NEBL: variants seen among roughly 807,000 people sequenced by gnomAD.
NEBL encodes the protein LIM and SH3 protein 2.
A neutral mutation model predicts 140.2 loss-of-function variants in NEBL; 122 were observed. That is an observed-to-expected ratio of 0.87 (90% confidence interval 0.75 to 1.01). NEBL has a LOEUF of 1.01. NEBL is among the 50% of genes least tolerant of loss of function. The probability of loss-of-function intolerance (pLI) is 0.00; values close to 1 mark genes in which losing one functional copy is unlikely to be tolerated. For missense variants in NEBL, 1,365 were observed against 1,231.3 expected (o/e 1.11, Z -1.62); for synonymous variants, 436 against 398.9 (o/e 1.09, Z -1.11).
chr10:21,142,118 A>C (rs570747931), intron 2 of NEBL, among the ~76,000 whole-genome samples: 3 of 152,164 alleles, frequency 2.0e-5, no homozygotes, highest in Non-Finnish European at 4.4e-5. Context: ...CAATTCTCTT[A>C]GCACTCTCCT....
intron 1 of NEBL, among the ~76,000 whole-genome samples, chr10:21,270,840 A>C (rs886340929): frequency 6.6e-6 from 1 of 152,252 alleles, no homozygotes; most frequent in African/African-American, 2.4e-5. Flanking sequence ...ATGGATATGT[A>C]CATTAAAGAG....
At chr10:20,926,404 G>C (rs980634609) in intron 4 of NEBL, among the ~76,000 whole-genome samples, 2 of 83,184 alleles carry the variant, frequency 2.4e-5, no homozygotes, top group East Asian at 4.6e-4. Context: ...GTGAAATTTT[G>C]CTTCTTTTAT....
chr10:21,050,735 A>C (rs553697794), intron 2 of NEBL, among the ~76,000 whole-genome samples: 2 of 152,338 alleles, frequency 1.3e-5, no homozygotes, highest in East Asian at 3.9e-4. Flanking sequence ...GAACAATAGT[A>C]GAAGAAAAGC....
chr10:21,063,532 A>G (rs1835393913), intron 2 of NEBL, among the ~76,000 whole-genome samples: 1 of 152,222 alleles, frequency 6.6e-6, no homozygotes, highest in Non-Finnish European at 1.5e-5. Flanking sequence ...TTCTATTCAC[A>G]TGTAGCAAAT....
chr10:20,857,526 T>C (rs1843200608), intron 9 of NEBL, among the ~76,000 whole-genome samples: 1 of 152,152 alleles, frequency 6.6e-6, no homozygotes, highest in African/African-American at 2.4e-5. Flanking sequence ...TATGGTCAAA[T>C]AAGAGCTCAT....
At chr10:21,033,065 G>C (rs1833863297) in intron 2 of NEBL, among the ~76,000 whole-genome samples, 1 of 152,160 alleles carries the variant, frequency 6.6e-6, no homozygotes, top group African/African-American at 2.4e-5. Flanking sequence ...TAGTGGAAGA[G>C]AGTCTATTCC....
chr10:21,193,026 C>T (rs1388758704), intron 3 of NEBL, among the ~76,000 whole-genome samples: 8 of 152,068 alleles, frequency 5.3e-5, no homozygotes, highest in South Asian at 4.1e-4. Context: ...GAATGTTCAG[C>T]GATAAGAAGT....
chr10:20,845,181 G>A (rs1841784259), intron 12 of NEBL, 77 bp downstream of exon 12: 1 of 893,352 alleles, frequency 1.1e-6, no homozygotes, highest in Non-Finnish European at 1.8e-6. Flanking sequence ...TGAATTAGTA[G>A]AGAATTAGGT....
intron 26 of NEBL, among the ~76,000 whole-genome samples, chr10:20,802,929 A>G (rs12255640): frequency 1.2e-3 from 187 of 152,284 alleles, no homozygotes; most frequent in African/African-American, 3.8e-3. Context: ...GTTCTGCGCC[A>G]TTCTTATGAC....
At chr10:20,835,693 TAA>T in intron 13 of NEBL, 70 bp from the exon 14 acceptor site, 3 of 935,728 alleles carry the variant, frequency 3.2e-6, no homozygotes, top group Non-Finnish European at 3.3e-6. Context: ...TCAATGATAC[TAA>T]AAAAAAAATA....
At position 20,920,592 on chromosome 10, in the gene NEBL, C is replaced by T. The variant is rs576699646; in HGVS notation, c.357+41080G>A. ...TGAAAGAATATATGCTATATGAACA[C>T]ATTTACTTCTGTATTCAAAAGAAAT... On this transcript the variant is annotated intron_variant, in intron 4 of 6. Coordinates refer to the NEBL transcript ENST00000417816. 2.0e-5 allele frequency among the ~76,000 whole-genome samples: 3 copies of T among 152,154 alleles called. No individual in the cohort carries two copies. In the South Asian group the frequency reaches 6.2e-4, roughly 32 times the overall value.
intron 4 of NEBL, among the ~76,000 whole-genome samples, chr10:20,943,439 G>A (rs1834998538): frequency 6.6e-6 from 1 of 152,206 alleles, no homozygotes; most frequent in Non-Finnish European, 1.5e-5. Context: ...GCGGCCTGTG[G>A]TGGGTTGGGG....
At chr10:21,002,520 C>T (rs1215752800) in intron 3 of NEBL, among the ~76,000 whole-genome samples, 1 of 152,172 alleles carries the variant, frequency 6.6e-6, no homozygotes, top group Non-Finnish European at 1.5e-5. Flanking sequence ...AGTCCATTCT[C>T]ACGCTGCTAT....
At chr10:20,966,450 G>T (rs1265598922) in intron 3 of NEBL, among the ~76,000 whole-genome samples, 1 of 152,196 alleles carries the variant, frequency 6.6e-6, no homozygotes, top group Non-Finnish European at 1.5e-5. Flanking sequence ...AATAACATGT[G>T]AAAATACCAA....
At chr10:21,186,302 TC>T (rs577304991) in intron 3 of NEBL, among the ~76,000 whole-genome samples, 318 of 100,216 alleles carry the variant, frequency 3.2e-3, no homozygotes, top group Non-Finnish European at 4.8e-3. Flanking sequence ...ACACACACAT[TC>T]CCCCCCACCA....
intron 2 of NEBL, among the ~76,000 whole-genome samples, chr10:21,163,654 T>A (rs975149906): frequency 6.6e-6 from 1 of 152,244 alleles, no homozygotes; most frequent in South Asian, 2.1e-4. Flanking sequence ...CTGCCTTTGA[T>A]GGATAATGAG....
chr10:21,163,289 A>G lies in NEBL; in HGVS notation c.164+9094T>C, dbSNP rs117294960. Among the ~76,000 whole-genome samples, 1,095 of 152,324 alleles carry G rather than the reference A, an allele frequency of 7.2e-3. 8 individuals carry two copies. Among genetic ancestry groups the G allele is most frequent in the Non-Finnish European group, 0.011 (759 of 68,028 alleles). ...ACTCAGAACCAAGTTTTCAGAAAATAACTGTGGTGGCAGGAAATGCATGAA... is the reference window on the plus strand; with the variant it reads ...ACTCAGAACCAAGTTTTCAGAAAATGACTGTGGTGGCAGGAAATGCATGAA... On this transcript the variant is annotated intron_variant, in intron 2 of 6. Coordinates refer to the NEBL transcript ENST00000417816.
chr10:20,937,124 G>A (rs1834532728), intron 4 of NEBL, among the ~76,000 whole-genome samples: 1 of 152,124 alleles, frequency 6.6e-6, no homozygotes, highest in Non-Finnish European at 1.5e-5. Flanking sequence ...AGGGCACACA[G>A]ACTTCCCCAA....
chr10:21,161,026 T>G (rs534138088), intron 2 of NEBL, among the ~76,000 whole-genome samples: 1 of 152,074 alleles, frequency 6.6e-6, no homozygotes, highest in East Asian at 1.9e-4. Flanking sequence ...CCATTGCATG[T>G]CAGTGACCCG....
Sources: allele counts gnomAD v4.1 joint callset (sites outside exome capture counted in the v4.1 genomes callset), GRCh38; gene constraint gnomAD v4.1.1; transcripts MANE v1.5; gene names NCBI Gene and HGNC (gene_info 2026-07-23, HGNC 2026-07-21).